The following DIPK1A variants were observed in gnomAD, a reference collection of about 807,000 sequenced individuals.
DIPK1A encodes family with sequence similarity 69 member A.
Under a neutral mutation model 40.8 loss-of-function variants are expected in DIPK1A, and 27 were observed. That is an observed-to-expected ratio of 0.66 (90% CI 0.49 to 0.91). The LOEUF (loss-of-function observed/expected upper bound fraction) is 0.91. DIPK1A is among the 40% of genes least tolerant of loss of function. DIPK1A has a pLI of 0.00. For missense variants in DIPK1A, 412 were observed against 505.7 expected (o/e 0.81, Z 1.78); for synonymous variants, 166 against 171.3 (o/e 0.97, Z 0.24).
At chr1:92,946,884 C>T (rs1651385896) in intron 1 of DIPK1A, among the ~76,000 whole-genome samples, 1 of 148,182 alleles carries the variant, frequency 6.7e-6, no homozygotes. Flanking sequence ...GTTGAAGCGG[C>T]AGTGAGCTGA....
At chr1:92,942,615 A>G (rs996778222) in intron 1 of DIPK1A, among the ~76,000 whole-genome samples, 5 of 152,034 alleles carry the variant, frequency 3.3e-5, no homozygotes, top group African/African-American at 1.2e-4. Context: ...ATTTACTCTA[A>G]TTATCTCACC....
chr1:92,919,249 C>T (rs1180303704), intron 1 of DIPK1A, among the ~76,000 whole-genome samples: 1 of 152,132 alleles, frequency 6.6e-6, no homozygotes. Context: ...ATATTAGAGA[C>T]CTTACCATTC....
intron 3 of DIPK1A, 65 bp from the exon 4 acceptor site, chr1:92,847,424 T>A: frequency 9.2e-7 from 1 of 1,091,184 alleles, no homozygotes; most frequent in South Asian, 2.6e-5. Context: ...AATATACTAC[T>A]ATATTTTTAG....
chr1:92,856,298 A>G (rs1342583207), intron 2 of DIPK1A, among the ~76,000 whole-genome samples: 2 of 152,014 alleles, frequency 1.3e-5, no homozygotes, highest in Non-Finnish European at 2.9e-5. Flanking sequence ...ATACAGGAAC[A>G]AACAAAAAAG....
At chr1:92,892,637 C>A (rs935898359) in intron 1 of DIPK1A, among the ~76,000 whole-genome samples, 37 of 152,026 alleles carry the variant, frequency 2.4e-4, no homozygotes, top group African/African-American at 8.5e-4. Flanking sequence ...AGCAATGGAA[C>A]AAAGCTGGAT....
chr1:92,852,401 G>A (rs569802759), intron 2 of DIPK1A, among the ~76,000 whole-genome samples: 28 of 152,218 alleles, frequency 1.8e-4, no homozygotes, highest in Non-Finnish European at 4.0e-4. Context: ...AGGAGGCTGC[G>A]GTGGAAGAGT....
intron 1 of DIPK1A, among the ~76,000 whole-genome samples, chr1:92,945,156 G>A (rs1651312334): frequency 6.6e-6 from 1 of 151,864 alleles, no homozygotes; most frequent in Non-Finnish European, 1.5e-5. Flanking sequence ...GAGGAGGGAG[G>A]TTTCTGGTAA....
intron 1 of DIPK1A, among the ~76,000 whole-genome samples, chr1:92,919,446 TTC>T (rs1456194209): frequency 3.3e-5 from 5 of 152,196 alleles, no homozygotes; most frequent in African/African-American, 1.2e-4. Context: ...CCTTTGCATA[TTC>T]TCTTTCTTCT....
At chr1:92,908,123 A>G (rs1649695088) in intron 1 of DIPK1A, among the ~76,000 whole-genome samples, 1 of 152,198 alleles carries the variant, frequency 6.6e-6, no homozygotes, top group Admixed American at 6.5e-5. Flanking sequence ...GAACATGTTG[A>G]GAGTGAAGTG....
downstream of DIPK1A, chr1:92,837,408 A>T (rs763197787): frequency 2.0e-6 from 3 of 1,517,852 alleles, no homozygotes; most frequent in Non-Finnish European, 1.8e-6. Context: ...CTTACTAGTA[A>T]ACTAAGTTAA....
At chr1:92,959,940 G>C (rs1652005719) in intron 1 of DIPK1A, among the ~76,000 whole-genome samples, 1 of 17,288 alleles carries the variant, frequency 5.8e-5, no homozygotes, top group Admixed American at 7.2e-4. Flanking sequence ...ATTTTTAGTA[G>C]AGGCGGGGTT....
chr1:92,955,873 C>A (rs1651833930), intron 1 of DIPK1A, among the ~76,000 whole-genome samples: 1 of 151,802 alleles, frequency 6.6e-6, no homozygotes, highest in Non-Finnish European at 1.5e-5. Context: ...GGACCACTGT[C>A]TCTTAAAAAA....
intron 1 of DIPK1A, among the ~76,000 whole-genome samples, chr1:92,953,088 C>T (rs747849574): frequency 6.6e-6 from 1 of 152,058 alleles, no homozygotes; most frequent in Non-Finnish European, 1.5e-5. Context: ...AAATATCAAT[C>T]TGAAACAACA....
At chr1:92,949,999 T>C (rs1169184866) in intron 1 of DIPK1A, among the ~76,000 whole-genome samples, 2 of 152,172 alleles carry the variant, frequency 1.3e-5, no homozygotes, top group Non-Finnish European at 2.9e-5. Context: ...AAGAAGGATA[T>C]GGAAACCACT....
intron 1 of DIPK1A, among the ~76,000 whole-genome samples, chr1:92,889,323 T>C (rs1648751805): frequency 6.6e-6 from 1 of 152,196 alleles, no homozygotes; most frequent in African/African-American, 2.4e-5. Context: ...TGTTTATTTC[T>C]GGGTTCTGGG....
intron 2 of DIPK1A, among the ~76,000 whole-genome samples, chr1:92,873,179 A>T (rs1295112410): frequency 6.6e-6 from 1 of 152,158 alleles, no homozygotes; most frequent in East Asian, 1.9e-4. Flanking sequence ...CTCAGCACAA[A>T]GCATGGTGTG....
intron 1 of DIPK1A, among the ~76,000 whole-genome samples, chr1:92,903,993 C>T (rs1410885458): frequency 1.3e-5 from 2 of 152,094 alleles, no homozygotes; most frequent in Admixed American, 1.3e-4. Flanking sequence ...ATGGTAAAAC[C>T]CTATTTTGCA....
chr1:92,961,395 CT>C lies in DIPK1A; in HGVS notation c.34del (p.Arg12GlyfsTer15). ...GCCTACCTGGAGGTAATAGGGTTTC[CT>C]TAGCCAGGCCCCCGGACAGAGACTC... ...ARSLCPGAWL[R>X]KPYYLQARFS... On this transcript the variant is annotated frameshift_variant, in exon 1 of 5. Coordinates refer to ENST00000370310, the MANE Select transcript of DIPK1A (RefSeq NM_001006605.5). LOFTEE classifies it high-confidence loss of function. 1 of 1,531,250 alleles carries C rather than the reference CT, an allele frequency of 6.5e-7. No homozygotes were observed. The highest frequency in any genetic ancestry group is 8.8e-7 in the Non-Finnish European group (1 of 1,137,070). 94.9% of individuals were successfully genotyped at this position (1,531,250 alleles called of 1,614,324 possible).
chr1:92,907,592 G>A (rs769647341), intron 1 of DIPK1A, among the ~76,000 whole-genome samples: 11 of 151,818 alleles, frequency 7.2e-5, no homozygotes, highest in Admixed American at 2.6e-4. Context: ...GGTGTACCCC[G>A]CTATGCCTGG....
Sources: allele counts gnomAD v4.1 joint callset (sites outside exome capture counted in the v4.1 genomes callset), GRCh38; gene constraint gnomAD v4.1.1; transcripts MANE v1.5; gene names NCBI Gene and HGNC (gene_info 2026-07-23, HGNC 2026-07-21).